The following ME3 variants were observed in gnomAD, a reference collection of about 807,000 sequenced individuals.
ME3 encodes the protein NADP-dependent malic enzyme, mitochondrial.
ME3 carries 48 observed loss-of-function variants against 68.9 expected under a neutral mutation model. That is an observed-to-expected ratio of 0.70 (90% CI 0.55 to 0.89). The LOEUF (loss-of-function observed/expected upper bound fraction) is 0.89. ME3 is among the 40% of genes least tolerant of loss of function. The pLI, the probability that ME3 is intolerant of heterozygous loss-of-function variation, is 0.00. For synonymous variants in ME3, 320 were observed against 318.8 expected, an observed-to-expected ratio of 1.00 and a Z score of -0.04; for missense variants, 675 against 797.4, an observed-to-expected ratio of 0.85 and a Z score of 1.85.
At chr11:86,494,845 A>G (rs1158005068) in intron 6 of ME3, among the ~76,000 whole-genome samples, 4 of 152,208 alleles carry the variant, frequency 2.6e-5, no homozygotes, top group African/African-American at 2.4e-5. Flanking sequence ...CTTTTATTAA[A>G]TAAGGCAAAG....
intron 14 of ME3, among the ~76,000 whole-genome samples, chr11:86,441,827 AT>A (rs142097721): frequency 6.6e-6 from 1 of 151,918 alleles, no homozygotes; most frequent in Non-Finnish European, 1.5e-5. Flanking sequence ...CCAGAACCTG[AT>A]TTTTTTTCCA....
At chr11:86,442,787 A>C (rs771143703) in intron 14 of ME3, 34 bp downstream of exon 14, 3 of 1,524,542 alleles carry the variant, frequency 2.0e-6, no homozygotes, top group Non-Finnish European at 2.7e-6. Context: ...GTTGAGCCTC[A>C]CTACCCATAT....
At chr11:86,501,884 T>C (rs1416940655) in intron 5 of ME3, among the ~76,000 whole-genome samples, 1 of 152,212 alleles carries the variant, frequency 6.6e-6, no homozygotes, top group Non-Finnish European at 1.5e-5. Flanking sequence ...CTTGAGCCAC[T>C]GCACTGTTCT....
At chr11:86,442,039 C>T (rs550857644) in intron 14 of ME3, among the ~76,000 whole-genome samples, 2 of 152,206 alleles carry the variant, frequency 1.3e-5, no homozygotes, top group Admixed American at 6.5e-5. Context: ...TGCTGTTGTA[C>T]GATGCATTTT....
chr11:86,590,659 G>T (rs1243046050), intron 2 of ME3, among the ~76,000 whole-genome samples: 3 of 152,186 alleles, frequency 2.0e-5, no homozygotes, highest in Non-Finnish European at 4.4e-5. Context: ...AGGCAGGGAA[G>T]CTGGAGGGGT....
intron 4 of ME3, among the ~76,000 whole-genome samples, chr11:86,531,991 C>CTA (rs1955279476): frequency 1.5e-5 from 2 of 137,816 alleles, no homozygotes; most frequent in African/African-American, 5.5e-5. Flanking sequence ...AAAAACCAAA[C>CTA]CAAAAAAAAA....
intron 6 of ME3, 112 bp downstream of exon 6, chr11:86,497,851 A>C: frequency 8.0e-7 from 1 of 1,245,418 alleles, no homozygotes; most frequent in Non-Finnish European, 1.1e-6. Flanking sequence ...GAGGATGCCA[A>C]GAAAGAAATG....
chr11:86,626,790 A>G (rs981894191), intron 2 of ME3, among the ~76,000 whole-genome samples: 2 of 152,220 alleles, frequency 1.3e-5, no homozygotes, highest in Non-Finnish European at 2.9e-5. Context: ...CACATGGGCC[A>G]CAGTTTGCCA....
intron 6 of ME3, among the ~76,000 whole-genome samples, chr11:86,493,099 C>T (rs779371621): frequency 2.6e-5 from 4 of 152,138 alleles, no homozygotes; most frequent in African/African-American, 9.7e-5. Context: ...TATGATGGCA[C>T]CACATGGTGA....
intron 2 of ME3, among the ~76,000 whole-genome samples, chr11:86,623,456 A>G (rs1382416380): frequency 6.6e-6 from 1 of 152,200 alleles, no homozygotes; most frequent in Non-Finnish European, 1.5e-5. Context: ...GCAAATTCCT[A>G]TAATAAATCT....
At chr11:86,651,532 T>A (rs1015607912) in intron 2 of ME3, among the ~76,000 whole-genome samples, 2 of 152,012 alleles carry the variant, frequency 1.3e-5, no homozygotes, top group African/African-American at 4.8e-5. Flanking sequence ...CAGCTGAGGG[T>A]CCTGACTGTT....
At chr11:86,522,305 A>T (rs10898490) in intron 4 of ME3, among the ~76,000 whole-genome samples, 7,879 of 152,104 alleles carry the variant, frequency 0.052, 272 homozygotes, top group Middle Eastern at 0.071. Flanking sequence ...AAGGCCAATT[A>T]AAAAAATGGT....
At chr11:86,657,041 A>G (rs1382619089) in intron 2 of ME3, among the ~76,000 whole-genome samples, 1 of 152,180 alleles carries the variant, frequency 6.6e-6, no homozygotes. Context: ...TAATTTAACC[A>G]TTGTGGAAGA....
At chr11:86,658,654 CA>C in intron 2 of ME3, among the ~76,000 whole-genome samples, 1 of 152,202 alleles carries the variant, frequency 6.6e-6, no homozygotes, top group South Asian at 2.1e-4. Context: ...GTCCTGCAGT[CA>C]AAGCCAGTTA....
chr11:86,594,021 A>T (rs896277400), intron 2 of ME3, among the ~76,000 whole-genome samples: 1 of 146,494 alleles, frequency 6.8e-6, no homozygotes, highest in Non-Finnish European at 1.5e-5. Flanking sequence ...AATATTTAAT[A>T]AGCACCGACT....
intron 13 of ME3, among the ~76,000 whole-genome samples, chr11:86,445,602 CAGAGTG>C (rs769436161): frequency 3.6e-4 from 55 of 152,306 alleles, no homozygotes; most frequent in Admixed American, 3.3e-4. Context: ...TTGCTTTTGT[CAGAGTG>C]AGGATAAATG....
chr11:86,479,414 C>T (rs76070599), intron 7 of ME3, among the ~76,000 whole-genome samples: 1 of 152,218 alleles, frequency 6.6e-6, no homozygotes, highest in Admixed American at 6.5e-5. Context: ...CCTATTGGTT[C>T]TGTTACTCTG....
At position 86,600,392 on chromosome 11, in the gene ME3, G is replaced by A. The variant is rs1417830490; in HGVS notation, c.184-40569C>T. Among the ~76,000 whole-genome samples the A allele has an allele frequency of 3.3e-5, 5 of 152,320 alleles. No homozygotes were observed. In the East Asian group the frequency reaches 9.6e-4, roughly 29 times the overall value. ...AATGGTGAAGGGATCAATTCAACAA[G>A]AAGAGCTAAATATCCTAAATATATA... is the stretch of plus-strand genomic sequence containing the variant. On this transcript the variant is annotated intron_variant, in intron 2 of 14. Transcript: ENST00000543262.
At chr11:86,560,002 G>A (rs1354371963) in intron 2 of ME3, among the ~76,000 whole-genome samples, 179 bp from the exon 3 acceptor site, 1 of 152,154 alleles carries the variant, frequency 6.6e-6, no homozygotes, top group Non-Finnish European at 1.5e-5. Context: ...TTACTTTGAT[G>A]CTTCTGAACT....
Sources: allele counts gnomAD v4.1 joint callset (sites outside exome capture counted in the v4.1 genomes callset), GRCh38; gene constraint gnomAD v4.1.1; transcripts MANE v1.5; gene names NCBI Gene and HGNC (gene_info 2026-07-23, HGNC 2026-07-21).